The following LYRM7 variants were observed in gnomAD, a reference collection of about 807,000 sequenced individuals.
LYRM7 encodes LYR motif containing 7, also known as complex III assembly factor LYRM7.
A neutral mutation model predicts 15.8 loss-of-function variants in LYRM7; 9 were observed. The observed-to-expected ratio is 0.57, with a 90% CI of 0.34 to 0.99. LYRM7 has a LOEUF of 0.99. Among genes scored for constraint, LYRM7 ranks in the 50% least tolerant of loss-of-function variants. The pLI is 0.02. For missense variants in LYRM7, 115 were observed against 119.1 expected (o/e 0.97, Z 0.16); for synonymous variants, 39 against 39.4 (o/e 0.99, Z 0.04).
chr5:131,182,463 G>C (rs934967965), intron 3 of LYRM7, among the ~76,000 whole-genome samples, 164 bp downstream of exon 3: 22 of 152,032 alleles, frequency 1.4e-4, no homozygotes, highest in Non-Finnish European at 1.3e-4. Context: ...ACCTCCTCAG[G>C]CTCATCTGCC....
intron 4 of LYRM7, among the ~76,000 whole-genome samples, chr5:131,188,017 G>A (rs1006267589): frequency 6.6e-6 from 1 of 152,006 alleles, no homozygotes; most frequent in Admixed American, 6.6e-5. Context: ...AGCACTTTGG[G>A]AGGCCAAGGC....
intron 4 of LYRM7, among the ~76,000 whole-genome samples, chr5:131,196,005 A>G (rs1561549049): frequency 6.6e-6 from 1 of 151,934 alleles, no homozygotes; most frequent in Non-Finnish European, 1.5e-5. Flanking sequence ...ACAGGTAGTG[A>G]GTGGATGTAT....
chr5:131,181,767 C>A (rs988238754), intron 2 of LYRM7, among the ~76,000 whole-genome samples: 4 of 151,702 alleles, frequency 2.6e-5, no homozygotes, highest in African/African-American at 9.7e-5. Flanking sequence ...ATATGTCAGC[C>A]AAGACACTTA....
intron 4 of LYRM7, among the ~76,000 whole-genome samples, chr5:131,192,992 T>G (rs1261286869): frequency 6.6e-6 from 1 of 152,192 alleles, no homozygotes; most frequent in Non-Finnish European, 1.5e-5. Flanking sequence ...AACCCAGGAC[T>G]TCGGGTCATT....
Position 131,181,404 on chromosome 5 carries a change from T to C in LYRM7, c.92-825T>C, listed in dbSNP as rs1201819361. On this transcript the variant is annotated intron_variant, in intron 2 of 4. Transcript: ENST00000379380. ...ATAATATATACATATATATTATATA[T>C]ACATATATATGTTTATATATATATA... Among the ~76,000 whole-genome samples, 5 of 110,824 alleles carry C rather than the reference T, an allele frequency of 4.5e-5. No individual in the cohort carries two copies. In the East Asian group the frequency reaches 8.7e-4, roughly 19 times the overall value. The allele number at this position is 110,824 out of a possible 152,430, so 72.7% of individuals were successfully genotyped here. A position where few individuals can be genotyped will look rare whatever the true frequency, so the allele number is the denominator to read the frequency against.
chr5:131,193,721 T>G (rs1365857319), intron 4 of LYRM7, among the ~76,000 whole-genome samples: 1 of 152,128 alleles, frequency 6.6e-6, no homozygotes, highest in East Asian at 1.9e-4. Flanking sequence ...AAGGAATTGC[T>G]TTTTGGCCGG....
intron 4 of LYRM7, among the ~76,000 whole-genome samples, chr5:131,197,557 T>TA (rs1755986100): frequency 6.9e-6 from 1 of 145,694 alleles, no homozygotes; most frequent in Admixed American, 6.9e-5. Flanking sequence ...TTTTTTTTTT[T>TA]TTTTTTGAGA....
At chr5:131,188,900 A>C (rs1276402586) in intron 4 of LYRM7, among the ~76,000 whole-genome samples, 6 of 152,192 alleles carry the variant, frequency 3.9e-5, no homozygotes, top group Non-Finnish European at 7.3e-5. Flanking sequence ...TAATCCCTGC[A>C]CTTTGGGAGG....
intron 1 of LYRM7, 47 bp downstream of exon 1, chr5:131,171,085 A>G (rs773492338): frequency 1.3e-6 from 2 of 1,487,834 alleles, no homozygotes; most frequent in Admixed American, 3.1e-5. Context: ...CGGGGAGGGT[A>G]TGTTCGCGTC....
At chr5:131,180,061 T>C in intron 1 of LYRM7, 34 bp from the exon 2 acceptor site, 2 of 1,480,616 alleles carry the variant, frequency 1.4e-6, no homozygotes, top group Non-Finnish European at 1.9e-6. Flanking sequence ...CATGAGCCAC[T>C]GTGCCCAACC....
At chr5:131,176,142 A>G (rs923403014) in intron 1 of LYRM7, among the ~76,000 whole-genome samples, 1 of 152,226 alleles carries the variant, frequency 6.6e-6, no homozygotes, top group Non-Finnish European at 1.5e-5. Flanking sequence ...GTTCATGGAC[A>G]TTTAGGTTAT....
intron 1 of LYRM7, among the ~76,000 whole-genome samples, chr5:131,177,494 G>A (rs1257911858): frequency 6.6e-6 from 1 of 152,178 alleles, no homozygotes; most frequent in Non-Finnish European, 1.5e-5. Context: ...GATAGTTTGA[G>A]TATCTATGGT....
chr5:131,176,923 C>T (rs1755611790), intron 1 of LYRM7, among the ~76,000 whole-genome samples: 1 of 152,080 alleles, frequency 6.6e-6, no homozygotes, highest in Non-Finnish European at 1.5e-5. Context: ...TGTATATATA[C>T]ACCACATTTT....
chr5:131,174,418 G>A (rs1252591503), intron 1 of LYRM7, among the ~76,000 whole-genome samples: 1 of 152,166 alleles, frequency 6.6e-6, no homozygotes, highest in Non-Finnish European at 1.5e-5. Flanking sequence ...GCCTGTTATT[G>A]TTGCTATTTT....
Position 131,202,702 on chromosome 5 carries a change from A to T in LYRM7, c.*3101A>T, listed in dbSNP as rs368169490. The T allele has an allele frequency of 2.0e-5, 3 of 151,924 alleles. No homozygotes were observed. Among genetic ancestry groups the T allele is most frequent in the East Asian group, 1.9e-4 (1 of 5,228 alleles). The allele number at this position is 151,924 out of a possible 1,614,324, so 9.4% of individuals were successfully genotyped here. A position where few individuals can be genotyped will look rare whatever the true frequency, so the allele number is the denominator to read the frequency against. On this transcript the variant is annotated 3_prime_UTR_variant, in exon 5 of 5. Coordinates refer to ENST00000379380, the MANE Select transcript of LYRM7 (RefSeq NM_181705.4). ...TTAATTAAATGTTTTTTATTTGGTT[A>T]TTTTTTTTAAGTTTTCTGTATTCAC...
intron 4 of LYRM7, among the ~76,000 whole-genome samples, chr5:131,196,146 C>CAG (rs918907205): frequency 9.8e-5 from 14 of 142,966 alleles, no homozygotes; most frequent in Non-Finnish European, 1.9e-4. Context: ...TTCTGTCGCT[C>CAG]AGGCTGGAGT....
intron 1 of LYRM7, among the ~76,000 whole-genome samples, chr5:131,179,352 AC>A (rs1755652062): frequency 6.6e-6 from 1 of 152,152 alleles, no homozygotes; most frequent in South Asian, 2.1e-4. Context: ...TATGAAACAA[AC>A]AGAAAAGGAA....
chr5:131,190,145 AAAAAG>A (rs1265190914), intron 4 of LYRM7, among the ~76,000 whole-genome samples: 2 of 150,608 alleles, frequency 1.3e-5, no homozygotes, highest in African/African-American at 2.5e-5. Context: ...CAAAAAAAAA[AAAAAG>A]AAAAGAAAAA....
At chr5:131,175,499 C>T (rs950010153) in intron 1 of LYRM7, among the ~76,000 whole-genome samples, 5 of 151,856 alleles carry the variant, frequency 3.3e-5, no homozygotes, top group East Asian at 1.9e-4. Flanking sequence ...TGAGCAACCA[C>T]GCTCGGCCTT....
Sources: gnomAD v4.1 joint callset for allele counts (sites outside exome capture counted in the v4.1 genomes callset) on GRCh38, gnomAD v4.1.1 for gene constraint, MANE v1.5 for transcripts, NCBI Gene and HGNC (gene_info 2026-07-23, HGNC 2026-07-21) for gene names.